PYCR1: variants seen among roughly 807,000 people sequenced by gnomAD.
PYCR1 encodes pyrroline-5-carboxylate reductase 1, mitochondrial.
In PYCR1, 19 loss-of-function variants were observed where a neutral mutation model predicts 22.9. The ratio of observed to expected loss-of-function variants is 0.83; its 90% CI spans 0.58 to 1.22. The LOEUF (loss-of-function observed/expected upper bound fraction) is 1.22. PYCR1 is among the 50% of genes most tolerant of loss of function. The pLI is 0.00. For missense variants in PYCR1, 429 were observed against 431.3 expected, an observed-to-expected ratio of 0.99 and a Z score of 0.05; for synonymous variants, 175 against 180.5, an observed-to-expected ratio of 0.97 and a Z score of 0.24.
rs776607138 is a variant in PYCR1, at chr17:81,935,368, G to A, written c.287C>T (p.Ala96Val). The change falls in exon 3 of 7, where the codon GCG becomes GTG. Residue 96 changes from alanine to valine, a missense_variant. Transcript: ENST00000329875. The part of the protein sequence containing the change: ...IEDRHIVVSC[A>V]AGVTISSIEK... Reference sequence around the variant, plus strand: ...AATGGAGCTGATGGTGACGCCGGCCGCGCAGGACACCACAATGTGTCTGTC... The same window carrying A: ...AATGGAGCTGATGGTGACGCCGGCCACGCAGGACACCACAATGTGTCTGTC... The A allele has an allele frequency of 2.7e-5, 44 of 1,612,724 alleles. No individual in the cohort carries two copies. The highest frequency in any genetic ancestry group is 1.3e-4 in the South Asian group (12 of 91,044).
At position 81,934,935 on chromosome 17, in the gene PYCR1, G is replaced by C. The variant is rs144012457; in HGVS notation, c.531C>G (p.Gly177=). Residue 177 remains glycine (G), a synonymous_variant, in exon 4 of 7, where the codon GGC becomes GGG. Coordinates refer to ENST00000329875, the MANE Select transcript of PYCR1 (RefSeq NM_006907.4). ...CCCCCGCAGTCCTTACGTAGGCGGG[G>C]CCGCTGCCACTGAGCCCCGTGACGG... ...IDAVTGLSGS[G]PAYAFTALDA... is the part of the protein sequence containing the mutation. The C allele has an allele frequency of 6.2e-7, 1 of 1,609,226 alleles. No homozygotes were observed. Among genetic ancestry groups the C allele is most frequent in the African/African-American group, 1.3e-5 (1 of 74,852 alleles).
In PYCR1 at chr17:81,937,242, C is replaced by T. The variant is rs780358911; in HGVS notation, c.-428G>A. ...CGGAGCCCGACCCCAACCCAGCTACCGTGCGCGGGTCGTACCCACCCCTCA... is the reference window on the plus strand; with the variant it reads ...CGGAGCCCGACCCCAACCCAGCTACTGTGCGCGGGTCGTACCCACCCCTCA... On this transcript the variant is annotated 5_prime_UTR_variant, in exon 1 of 7. Coordinates refer to ENST00000329875, the MANE Select transcript of PYCR1 (RefSeq NM_006907.4). The T allele has an allele frequency of 2.8e-5, 39 of 1,413,830 alleles. No homozygotes were observed. Among genetic ancestry groups the T allele is most frequent in the Non-Finnish European group, 3.5e-5 (38 of 1,085,794 alleles). The allele number at this position is 1,413,830 out of a possible 1,614,324, so 87.6% of individuals were successfully genotyped here. A position where few individuals can be genotyped will look rare whatever the true frequency, so the allele number is the denominator to read the frequency against.
chr17:81,934,724 G>A lies in PYCR1; in HGVS notation c.562C>T (p.Leu188=), dbSNP rs753148262. The part of the protein sequence containing the change: ...PAYAFTALDA[L]ADGGVKMGLP... ...CCCATCTTCACACCCCCATCAGCCA[G>A]GGCATCCAGGGCTGTGAATGCCTGT... The change falls in exon 5 of 7, where the codon CTG becomes TTG. Residue 188 remains leucine, a synonymous_variant. Coordinates refer to ENST00000329875, the MANE Select transcript of PYCR1 (RefSeq NM_006907.4). 2 of 1,560,584 alleles carry A rather than the reference G, an allele frequency of 1.3e-6. No individual in the cohort carries two copies. The highest frequency in any genetic ancestry group is 3.8e-5 in the Admixed American group (2 of 52,376).
chr17:81,937,057 C>T lies in PYCR1; in HGVS notation c.-243G>A, dbSNP rs1312170680. 8 of 1,435,944 alleles carry T rather than the reference C, an allele frequency of 5.6e-6. No individual in the cohort carries two copies. Among genetic ancestry groups the T allele is most frequent in the South Asian group, 1.5e-5 (1 of 68,644 alleles). 89.0% of individuals were successfully genotyped at this position (1,435,944 alleles called of 1,614,324 possible). On this transcript the variant is annotated 5_prime_UTR_variant, in exon 1 of 7. Transcript: ENST00000329875. ...GGCCTGCTGCCTAGGGTCCCGCACC[C>T]ACTGGAGGGGTGGAGGTTCCGCAGA...
chr17:81,937,129 G>A lies in PYCR1; in HGVS notation c.-315C>T, dbSNP rs2041222549. ...AAAGTACGGGGAGAGGGAGGGCCCG[G>A]CGCCTAGGGGTCCCCCGTCTGGGTT... On this transcript the variant is annotated 5_prime_UTR_variant, in exon 1 of 7. Transcript: ENST00000329875. 1.4e-6 allele frequency: 2 copies of A among 1,430,868 alleles called. No individual in the cohort carries two copies. The highest frequency in any genetic ancestry group is 9.1e-7 in the Non-Finnish European group (1 of 1,096,480). The allele number at this position is 1,430,868 out of a possible 1,614,324, so 88.6% of individuals were successfully genotyped here.
In PYCR1 at chr17:81,934,951, C is replaced by A. The variant is rs774920749; in HGVS notation, c.515G>T (p.Gly172Val). 11 of 1,609,346 alleles carry A rather than the reference C, an allele frequency of 6.8e-6. No individual in the cohort carries two copies. The highest frequency in any genetic ancestry group is 9.3e-6 in the Non-Finnish European group (11 of 1,179,996). The change falls in exon 4 of 7, where the codon GGG (glycine) becomes GTG (valine). Residue 172 changes from glycine to valine, a missense_variant. Transcript: ENST00000329875. Reference sequence around the variant, plus strand: ...GTAGGCGGGGCCGCTGCCACTGAGCCCCGTGACGGCATCAATCAGGTCCTC... The same window carrying A: ...GTAGGCGGGGCCGCTGCCACTGAGCACCGTGACGGCATCAATCAGGTCCTC... ...VEEDLIDAVT[G>V]LSGSGPAYAF...
chr17:81,932,508 G>T lies in PYCR1; in HGVS notation c.*706C>A. ...CCCACAGTAACCACCCTCCCACACA[G>T]GCAGGGCCTCCCTCCTCATGTGGCA... On this transcript the variant is annotated 3_prime_UTR_variant, in exon 7 of 7. Coordinates refer to ENST00000329875, the MANE Select transcript of PYCR1 (RefSeq NM_006907.4). The T allele has an allele frequency of 2.8e-6, 1 of 352,108 alleles. No individual in the cohort carries two copies. 21.8% of individuals were successfully genotyped at this position (352,108 alleles called of 1,614,324 possible). A position where few individuals can be genotyped will look rare whatever the true frequency, so the allele number is the denominator to read the frequency against.
Position 81,934,902 on chromosome 17 carries a change from G to T in PYCR1, c.540+24C>A. On this transcript the variant is annotated intron_variant, in intron 4 of 6. Coordinates refer to ENST00000329875, the MANE Select transcript of PYCR1 (RefSeq NM_006907.4). Reference sequence around the variant, plus strand: ...GTGGTCCCGGGAAGTGCCCGCCGCCGCCAGCTTCCCCCGCAGTCCTTACGT... The same window carrying T: ...GTGGTCCCGGGAAGTGCCCGCCGCCTCCAGCTTCCCCCGCAGTCCTTACGT... 4 of 1,608,764 alleles carry T rather than the reference G, an allele frequency of 2.5e-6. No individual in the cohort carries two copies. The South Asian group carries it at 4.4e-5, about 18-fold the overall frequency.
chr17:81,934,162 GC>G, intron 6 of PYCR1, 163 bp downstream of exon 6: 1 of 1,008,158 alleles, frequency 9.9e-7, no homozygotes, highest in Non-Finnish European at 1.5e-6. Context: ...GAGGGGCACT[GC>G]CCACAGTAAC....
chr17:81,934,105 C>T (rs575292867), intron 6 of PYCR1: 16 of 650,938 alleles, frequency 2.5e-5, no homozygotes, highest in South Asian at 1.2e-4. Flanking sequence ...GCACAGCATC[C>T]GGGTCCCTCT....
Position 81,935,413 on chromosome 17 carries a change from T to G in PYCR1, c.242A>C (p.Glu81Ala). Residue 81 changes from glutamate to alanine, a missense_variant, in exon 3 of 7, where the codon GAA (glutamate) becomes GCA (alanine). Coordinates refer to ENST00000329875, the MANE Select transcript of PYCR1 (RefSeq NM_006907.4). ...KPHIIPFILDEIGADIEDRHI... is the reference protein window; with the variant it reads ...KPHIIPFILDAIGADIEDRHI... ...TCTGTCCTCAATGTCGGCGCCTATT[T>G]CATCCAGGATGAAGGGGATGATGTG... 6.2e-7 allele frequency: 1 copy of G among 1,613,668 alleles called. No homozygotes were observed. The highest frequency in any genetic ancestry group is 2.2e-5 in the East Asian group (1 of 44,880).
In PYCR1 at chr17:81,937,190, C is replaced by A; in HGVS notation, c.-376G>T. 6.8e-7 allele frequency: 1 copy of A among 1,476,746 alleles called. No individual in the cohort carries two copies. Among genetic ancestry groups the A allele is most frequent in the Non-Finnish European group, 8.9e-7 (1 of 1,119,026 alleles). The allele number at this position is 1,476,746 out of a possible 1,614,324, so 91.5% of individuals were successfully genotyped here. A position where few individuals can be genotyped will look rare whatever the true frequency, so the allele number is the denominator to read the frequency against. ...CCAGAACTGGGCTACCGTCGCGCCC[C>A]ACCCGGCGACCGCCGCCCACCATTC... On this transcript the variant is annotated 5_prime_UTR_variant, in exon 1 of 7. Transcript: ENST00000329875.
chr17:81,937,124 G>A lies in PYCR1; in HGVS notation c.-310C>T. On this transcript the variant is annotated 5_prime_UTR_variant, in exon 1 of 7. Transcript: ENST00000329875. ...GGGGAAAAGTACGGGGAGAGGGAGG[G>A]CCCGGCGCCTAGGGGTCCCCCGTCT... 1 of 1,431,000 alleles carries A rather than the reference G, an allele frequency of 7.0e-7. No homozygotes were observed. The highest frequency in any genetic ancestry group is 9.1e-7 in the Non-Finnish European group (1 of 1,096,234). The allele number at this position is 1,431,000 out of a possible 1,614,324, so 88.6% of individuals were successfully genotyped here.
At chr17:81,934,851 AG>A in intron 4 of PYCR1, 74 bp downstream of exon 4, 1 of 1,568,038 alleles carries the variant, frequency 6.4e-7, no homozygotes, top group Non-Finnish European at 8.7e-7. Context: ...TGGCCCTCCC[AG>A]GGGGAGCAGG....
rs1278566408 is a variant in PYCR1, at chr17:81,933,269, G to A, written c.905C>T (p.Pro302Leu). 1.9e-6 allele frequency: 3 copies of A among 1,613,978 alleles called. No individual in the cohort carries two copies. Among genetic ancestry groups the A allele is most frequent in the Non-Finnish European group, 2.5e-6 (3 of 1,180,016 alleles). The change falls in exon 7 of 7, where the codon CCT (proline) becomes CTT (leucine). Residue 302 changes from proline (P) to leucine (L), a missense_variant. Transcript: ENST00000329875. ...GGGGAGCAGCTTGGTGTGGCCAGAA[G>A]GTGACAGAGCGGTCCCTGCAGGGGA... ...LDSPAGTALSPSGHTKLLPRS... is the reference protein window; with the variant it reads ...LDSPAGTALSLSGHTKLLPRS...
At chr17:81,934,897 C>T (rs770107096) in intron 4 of PYCR1, 29 bp downstream of exon 4, 54 of 1,607,478 alleles carry the variant, frequency 3.4e-5, no homozygotes, top group Non-Finnish European at 4.2e-5. Context: ...GAAGTGCCCG[C>T]CGCCGCCAGC....
At position 81,935,163 on chromosome 17, in the gene PYCR1, G is replaced by C. The variant is rs1341853694; in HGVS notation, c.319-16C>G. The C allele has an allele frequency of 8.1e-6, 13 of 1,598,860 alleles. No homozygotes were observed. Among genetic ancestry groups the C allele is most frequent in the Middle Eastern group, 1.8e-4 (1 of 5,518 alleles). ...CTGACAGCTTCTGGAAGAGAAACCA[G>C]CGTGTCCGTCTGGCCATGGACGCAG... On this transcript the variant is annotated splice_polypyrimidine_tract_variant and intron_variant, in intron 3 of 6. Coordinates refer to ENST00000329875, the MANE Select transcript of PYCR1 (RefSeq NM_006907.4).
At chr17:81,934,848 C>A in intron 4 of PYCR1, 78 bp downstream of exon 4, 5 of 1,566,494 alleles carry the variant, frequency 3.2e-6, no homozygotes, top group Non-Finnish European at 4.3e-6. Flanking sequence ...CCCTGGCCCT[C>A]CCAGGGGGAG....
Position 81,936,780 on chromosome 17 carries a change from G to C in PYCR1, c.35C>G (p.Ala12Gly), listed in dbSNP as rs1332388131. ...TGTGAAGCCCTTGGCCAGGGCAAAA[G>C]CCAGCTGGCCAGCGCCGATGAAGCC... is the stretch of plus-strand genomic sequence containing the variant. ...SVGFIGAGQL[A>G]FALAKGFTAA... Residue 12 changes from alanine (A) to glycine (G), a missense_variant, in exon 1 of 7, where the codon GCT becomes GGT. Transcript: ENST00000329875. 5 of 1,610,272 alleles carry C rather than the reference G, an allele frequency of 3.1e-6. No individual in the cohort carries two copies. The highest frequency in any genetic ancestry group is 4.2e-6 in the Non-Finnish European group (5 of 1,179,186).
Sources: allele counts gnomAD v4.1 joint callset, GRCh38; gene constraint gnomAD v4.1.1; transcripts MANE v1.5; gene names NCBI Gene and HGNC (gene_info 2026-07-23, HGNC 2026-07-21).